Variants in TLN2 observed in about 807,000 individuals in gnomAD.
TLN2 encodes talin 2, also known as talin-2.
TLN2 carries 118 observed loss-of-function variants against 294.7 expected under a neutral mutation model. That is an observed-to-expected ratio of 0.40 (90% confidence interval 0.34 to 0.47). The LOEUF is 0.47. TLN2 is among the 20% of genes least tolerant of loss of function. The probability of loss-of-function intolerance (pLI) is 0.84; values close to 1 mark genes in which losing one functional copy is unlikely to be tolerated. For synonymous variants in TLN2, 1,431 were observed against 1,304.5 expected, an observed-to-expected ratio of 1.10 and a Z score of -2.09; for missense variants, 3,083 against 3,282.2, an observed-to-expected ratio of 0.94 and a Z score of 1.48.
At chr15:62,773,173 A>T (rs1373738025) in intron 42 of TLN2, among the ~76,000 whole-genome samples, 1 of 147,142 alleles carries the variant, frequency 6.8e-6, no homozygotes, top group Non-Finnish European at 1.5e-5. Context: ...CTCATCACAA[A>T]CTTCTGGCCT....
In TLN2 at chr15:62,708,723, C is replaced by T. The variant is rs755813775; in HGVS notation, c.2394C>T (p.Ile798=). ...VRQFASRGEP[I]GRYDQATDTI... is the part of the protein sequence containing the mutation. ...AGTTTGCCAGCCGAGGCGAGCCCAT[C>T]GGCCGCTACGACCAGGCTACTGACA... The change falls in exon 21 of 59, where the codon ATC becomes ATT. Residue 798 remains isoleucine, a synonymous_variant. Transcript: ENST00000636159. The T allele has an allele frequency of 2.8e-5, 45 of 1,612,536 alleles. No homozygotes were observed. The highest frequency in any genetic ancestry group is 6.7e-5 in the East Asian group (3 of 44,894).
intron 3 of TLN2, among the ~76,000 whole-genome samples, chr15:62,624,411 G>C (rs1008430904): frequency 6.6e-6 from 1 of 152,212 alleles, no homozygotes; most frequent in African/African-American, 2.4e-5. Context: ...CCCTACAGAA[G>C]GACGGAGTGT....
At chr15:62,759,837 G>A (rs2062551695) in intron 37 of TLN2, among the ~76,000 whole-genome samples, 1 of 152,210 alleles carries the variant, frequency 6.6e-6, no homozygotes, top group South Asian at 2.1e-4. Context: ...TCTTTTGCCT[G>A]TGTTTGGGCC....
chr15:62,529,330 G>A (rs1003485809), intron 1 of TLN2, among the ~76,000 whole-genome samples: 3 of 152,080 alleles, frequency 2.0e-5, no homozygotes, highest in African/African-American at 7.2e-5. Flanking sequence ...CTGGACTCAG[G>A]CAATCTTCCC....
At chr15:62,596,890 A>G (rs998383980) in intron 2 of TLN2, among the ~76,000 whole-genome samples, 1 of 152,126 alleles carries the variant, frequency 6.6e-6, no homozygotes, top group Non-Finnish European at 1.5e-5. Flanking sequence ...TAGAGCAACT[A>G]CTTTTTTTCC....
In TLN2 at chr15:62,657,855, T is replaced by G. The variant is rs1413472868; in HGVS notation, c.745T>G (p.Phe249Val). 6.2e-7 allele frequency: 1 copy of G among 1,613,980 alleles called. No individual in the cohort carries two copies. The highest frequency in any genetic ancestry group is 8.5e-7 in the Non-Finnish European group (1 of 1,179,944). The change falls in exon 9 of 59, where the codon TTT (phenylalanine) becomes GTT (valine). Residue 249 changes from phenylalanine to valine, a missense_variant. Coordinates refer to ENST00000636159, the MANE Select transcript of TLN2 (RefSeq NM_015059.3). ...TGGTGGATTTCAAGCCCAGATACAA[T>G]TTGGACCTCATGTGGAACATAAACA... The part of the protein sequence containing the change: ...EFGGFQAQIQ[F>V]GPHVEHKHKP...
intron 1 of TLN2, among the ~76,000 whole-genome samples, chr15:62,509,692 G>A (rs1333623732): frequency 6.6e-6 from 1 of 152,142 alleles, no homozygotes; most frequent in African/African-American, 2.4e-5. Context: ...GGGAGGAGAG[G>A]GGCTTTCGGG....
intron 1 of TLN2, among the ~76,000 whole-genome samples, chr15:62,482,997 G>A (rs1277401007): frequency 6.6e-6 from 1 of 152,188 alleles, no homozygotes; most frequent in Non-Finnish European, 1.5e-5. Context: ...AGCAAAGATG[G>A]GTGTCAGTGA....
chr15:62,586,218 T>G (rs2045596191), intron 1 of TLN2, among the ~76,000 whole-genome samples: 1 of 152,210 alleles, frequency 6.6e-6, no homozygotes, highest in Non-Finnish European at 1.5e-5. Context: ...CAATTCACAC[T>G]GGGTGGCCCA....
rs74020670 is a variant in TLN2 at position 62,812,614 on chromosome 15, T to C, written c.6771+2582T>C. Among the ~76,000 whole-genome samples the C allele has an allele frequency of 1.1e-3, 164 of 152,196 alleles. 1 individual carries two copies. The highest frequency in any genetic ancestry group is 3.8e-3 in the African/African-American group (157 of 41,526). On this transcript the variant is annotated intron_variant, in intron 52 of 58. Coordinates refer to ENST00000636159, the MANE Select transcript of TLN2 (RefSeq NM_015059.3). ...AAGTGTCTCTCAGGGGAAAGGAAAA[T>C]GGAGCTGTAACAGGGTCACTTCCCT...
chr15:62,517,770 A>G (rs1192496727), intron 1 of TLN2, among the ~76,000 whole-genome samples: 6 of 152,346 alleles, frequency 3.9e-5, no homozygotes, highest in Admixed American at 3.9e-4. Context: ...ATTTGATGGT[A>G]CAAAAGTTTC....
At chr15:62,817,754 G>C (rs944117947) in intron 52 of TLN2, among the ~76,000 whole-genome samples, 1 of 150,832 alleles carries the variant, frequency 6.6e-6, no homozygotes, top group African/African-American at 2.4e-5. Context: ...CACATTTAAT[G>C]AATGTCTATT....
intron 9 of TLN2, among the ~76,000 whole-genome samples, chr15:62,668,284 G>C (rs1288008963): frequency 6.6e-6 from 1 of 151,862 alleles, no homozygotes; most frequent in Non-Finnish European, 1.5e-5. Context: ...TTGCTTGACT[G>C]TAGAAATTCC....
At chr15:62,774,409 A>G (rs2063556091) in intron 42 of TLN2, among the ~76,000 whole-genome samples, 1 of 152,122 alleles carries the variant, frequency 6.6e-6, no homozygotes, top group South Asian at 2.1e-4. Context: ...CACTTATGAG[A>G]TTGCTGTCGG....
intron 1 of TLN2, among the ~76,000 whole-genome samples, chr15:62,512,484 G>T (rs1316624656): frequency 6.6e-6 from 1 of 152,128 alleles, no homozygotes; most frequent in Non-Finnish European, 1.5e-5. Flanking sequence ...TGCTGTAGAG[G>T]CTACTCATAA....
chr15:62,777,312 G>A (rs922498616), intron 43 of TLN2, among the ~76,000 whole-genome samples: 16 of 152,216 alleles, frequency 1.1e-4, no homozygotes, highest in East Asian at 1.9e-4. Flanking sequence ...CAAGGCGGGC[G>A]GATCACCTGA....
chr15:62,485,129 C>G (rs901503061), intron 1 of TLN2, among the ~76,000 whole-genome samples: 3 of 152,202 alleles, frequency 2.0e-5, no homozygotes, highest in African/African-American at 7.2e-5. Context: ...TGGACCACAA[C>G]TGGGAAAGGT....
chr15:62,701,504 G>T lies in TLN2; in HGVS notation c.1696+290G>T, dbSNP rs370584918. Among the ~76,000 whole-genome samples, 16 of 152,284 alleles carry T rather than the reference G, an allele frequency of 1.1e-4. No homozygotes were observed. The East Asian group carries it at 2.3e-3, about 22-fold the overall frequency. On this transcript the variant is annotated intron_variant, in intron 17 of 58. Transcript: ENST00000636159. ...CGGACATACTGCAAAGTCTACTGAG[G>T]CTACTTTCTGCCTTCTGGGCACCTA...
At chr15:62,441,548 G>C (rs997568765) in intron 1 of TLN2, among the ~76,000 whole-genome samples, 4 of 152,186 alleles carry the variant, frequency 2.6e-5, no homozygotes, top group Middle Eastern at 3.2e-3. Context: ...CTGTTGGGGC[G>C]GGAGGACGTT....
Sources: allele counts gnomAD v4.1 joint callset (sites outside exome capture counted in the v4.1 genomes callset), GRCh38; gene constraint gnomAD v4.1.1; transcripts MANE v1.5; gene names NCBI Gene and HGNC (gene_info 2026-07-23, HGNC 2026-07-21).